SEPTIN9: variants seen among roughly 807,000 people sequenced by gnomAD.
The protein encoded by SEPTIN9 is septin-9.
SEPTIN9 carries 13 observed loss-of-function variants against 56.6 expected under a neutral mutation model. The observed-to-expected ratio is 0.23, with a 90% CI of 0.15 to 0.37. The LOEUF is 0.37. SEPTIN9 is among the 10% of genes least tolerant of loss of function. The probability of loss-of-function intolerance (pLI) is 1.00; values close to 1 mark genes in which losing one functional copy is unlikely to be tolerated. For missense variants in SEPTIN9, 650 were observed against 823.1 expected (o/e 0.79, Z 2.57); for synonymous variants, 332 against 334.1 (o/e 0.99, Z 0.07).
chr17:77,459,562 TG>T (rs1465568565), intron 3 of SEPTIN9, among the ~76,000 whole-genome samples: 1 of 152,082 alleles, frequency 6.6e-6, no homozygotes, highest in Non-Finnish European at 1.5e-5. Context: ...TAGCCGAGGC[TG>T]GGGGGTTATT....
intron 2 of SEPTIN9, among the ~76,000 whole-genome samples, chr17:77,364,101 C>G (rs751437577): frequency 6.6e-6 from 1 of 152,174 alleles, no homozygotes. Flanking sequence ...ATCTGGCTGC[C>G]GGCTGGCTTC....
chr17:77,450,438 C>T lies in SEPTIN9; in HGVS notation c.722-31706C>T. 1.0e-6 allele frequency: 1 copy of T among 971,176 alleles called. No homozygotes were observed. The highest frequency in any genetic ancestry group is 1.2e-6 in the Non-Finnish European group (1 of 816,920). 60.2% of individuals were successfully genotyped at this position (971,176 alleles called of 1,614,324 possible). A position where few individuals can be genotyped will look rare whatever the true frequency, so the allele number is the denominator to read the frequency against. On this transcript the variant is annotated intron_variant, in intron 3 of 11. Coordinates refer to ENST00000427177, the MANE Select transcript of SEPTIN9 (RefSeq NM_001113491.2). The surrounding 1 kb of genome is among the most constrained non-coding windows in gnomAD (Gnocchi z 6.0). ...AAGGCTTCTTTCCATTTGAGTGAAT[C>T]CCTCCCAGCCCCCAGCAAGCCCTCG...
intron 2 of SEPTIN9, among the ~76,000 whole-genome samples, chr17:77,337,821 G>A (rs929866898): frequency 6.6e-6 from 1 of 152,114 alleles, no homozygotes; most frequent in Admixed American, 6.5e-5. Flanking sequence ...CATACCTAGG[G>A]TTTGCTTCCA....
intron 4 of SEPTIN9, among the ~76,000 whole-genome samples, chr17:77,486,515 T>TGC (rs2039790409): frequency 9.7e-6 from 1 of 103,562 alleles, no homozygotes; most frequent in Admixed American, 8.7e-5. Context: ...TGTGTGTGTG[T>TGC]GTGTGTGCGC....
At chr17:77,373,534 A>G in intron 2 of SEPTIN9, 1 of 1,545,306 alleles carries the variant, frequency 6.5e-7, no homozygotes, top group Non-Finnish European at 8.7e-7. Flanking sequence ...GCTGGATGGG[A>G]TCATTTCGGA....
At chr17:77,376,012 C>A in intron 2 of SEPTIN9, 1 of 753,426 alleles carries the variant, frequency 1.3e-6, no homozygotes, top group Non-Finnish European at 1.6e-6. Flanking sequence ...TTCAGCCCAG[C>A]CAGGGGTGAT....
At chr17:77,372,896 G>A (rs2034766034) in intron 2 of SEPTIN9, among the ~76,000 whole-genome samples, 1 of 152,254 alleles carries the variant, frequency 6.6e-6, no homozygotes, top group South Asian at 2.1e-4. Flanking sequence ...CCTTGCAGGC[G>A]CAGAGCGCGC....
intron 2 of SEPTIN9, among the ~76,000 whole-genome samples, chr17:77,340,244 G>A (rs531054241): frequency 5.1e-4 from 77 of 152,006 alleles, no homozygotes; most frequent in African/African-American, 2.9e-4. Context: ...GGGCTCAAGC[G>A]GTTCTCCTGC....
At chr17:77,471,435 C>T (rs1312909555) in intron 3 of SEPTIN9, among the ~76,000 whole-genome samples, 5 of 152,272 alleles carry the variant, frequency 3.3e-5, no homozygotes, top group African/African-American at 1.2e-4. Context: ...AGGGGGCCAC[C>T]CTGTTGCACC....
chr17:77,488,822 G>A lies in SEPTIN9; in HGVS notation c.1220G>A (p.Arg407His), dbSNP rs1404115043. Residue 407 changes from arginine to histidine, a missense_variant, in exon 7 of 12, where the codon CGC becomes CAC. Arg to His is a conservative substitution (Grantham distance 29). Coordinates refer to ENST00000427177, the MANE Select transcript of SEPTIN9 (RefSeq NM_001113491.2). Reference sequence around the variant, plus strand: ...CGCAAGAAGCGCATCCCGGACACCCGCGTCCACTGCTGCCTCTACTTCATC... The same window carrying A: ...CGCAAGAAGCGCATCCCGGACACCCACGTCCACTGCTGCCTCTACTTCATC... Reference protein sequence around the residue: ...INRKKRIPDTRVHCCLYFIPA... With the variant: ...INRKKRIPDTHVHCCLYFIPA... The A allele has an allele frequency of 6.2e-7, 1 of 1,613,714 alleles. No individual in the cohort carries two copies. The highest frequency in any genetic ancestry group is 8.5e-7 in the Non-Finnish European group (1 of 1,179,858).
rs61734228 is a variant in SEPTIN9 at position 77,429,249 on chromosome 17, C to T, written c.721+26546C>T. On this transcript the variant is annotated intron_variant, in intron 3 of 11. Coordinates refer to ENST00000427177, the MANE Select transcript of SEPTIN9 (RefSeq NM_001113491.2). This position sits in a 1 kb window ranked among gnomAD's most constrained non-coding sequence, Gnocchi z 5.2. ...ATTGCAGGTGGAGAAGCTCGTTGAC[C>T]GTGACCTTGATCTGACCGTAATTTT... 3.0e-4 allele frequency: 141 copies of T among 471,168 alleles called. 2 individuals are homozygous for T. The highest frequency in any genetic ancestry group is 1.4e-3 in the South Asian group (92 of 64,564). The allele number at this position is 471,168 out of a possible 1,614,324, so 29.2% of individuals were successfully genotyped here.
intron 3 of SEPTIN9, among the ~76,000 whole-genome samples, chr17:77,479,252 T>A (rs1319692286): frequency 1.3e-5 from 2 of 151,666 alleles, no homozygotes; most frequent in African/African-American, 4.9e-5. Context: ...GACAATGGAG[T>A]GGGTGATCTT....
chr17:77,401,492 T>G (rs2035896189), intron 2 of SEPTIN9, among the ~76,000 whole-genome samples: 1 of 152,078 alleles, frequency 6.6e-6, no homozygotes, highest in African/African-American at 2.4e-5. Flanking sequence ...ACGCCTGTAA[T>G]CCCAGCACTT....
chr17:77,401,240 C>A (rs550351148), intron 2 of SEPTIN9, among the ~76,000 whole-genome samples: 2 of 152,156 alleles, frequency 1.3e-5, no homozygotes, highest in Non-Finnish European at 2.9e-5. Flanking sequence ...TCGGTAGGCC[C>A]GGCGCCTCGC....
intron 2 of SEPTIN9, among the ~76,000 whole-genome samples, chr17:77,398,210 A>G (rs1261933420): frequency 6.7e-6 from 1 of 149,158 alleles, no homozygotes; most frequent in Admixed American, 6.7e-5. Context: ...CCTGGGCTCA[A>G]GCGATCTGTC....
intron 1 of SEPTIN9, among the ~76,000 whole-genome samples, chr17:77,291,903 G>T (rs999526511): frequency 1.2e-4 from 19 of 152,236 alleles, no homozygotes; most frequent in Non-Finnish European, 2.6e-4. Flanking sequence ...AACCAGACAA[G>T]TGTTCTTACC....
In SEPTIN9 at chr17:77,429,203, G is replaced by A. The variant is rs1353812586; in HGVS notation, c.721+26500G>A. The A allele has an allele frequency of 2.1e-6, 1 of 471,840 alleles. No individual in the cohort carries two copies. 29.2% of individuals were successfully genotyped at this position (471,840 alleles called of 1,614,324 possible). A position where few individuals can be genotyped will look rare whatever the true frequency, so the allele number is the denominator to read the frequency against. On this transcript the variant is annotated intron_variant, in intron 3 of 11. Coordinates refer to ENST00000427177, the MANE Select transcript of SEPTIN9 (RefSeq NM_001113491.2). The surrounding 1 kb of genome is among the most constrained non-coding windows in gnomAD (Gnocchi z 5.2). ...AGGCTGAGGCCGAGGCTGAGGCTGA[G>A]GCCACCTTGGTGAGGAGGAAATTGC...
At position 77,484,576 on chromosome 17, in the gene SEPTIN9, G is replaced by A. The variant is rs1353109100; in HGVS notation, c.913+2241G>A. Among the ~76,000 whole-genome samples, 14 of 39,380 alleles carry A rather than the reference G, an allele frequency of 3.6e-4. 1 individual carries two copies. Among genetic ancestry groups the A allele is most frequent in the Middle Eastern group, 0.019 (1 of 52 alleles). The allele number at this position is 39,380 out of a possible 152,430, so 25.8% of individuals were successfully genotyped here. On this transcript the variant is annotated intron_variant, in intron 4 of 11. Coordinates refer to ENST00000427177, the MANE Select transcript of SEPTIN9 (RefSeq NM_001113491.2). ...TGATGATGGTGATTGTGGTGATGGT[G>A]GTTATGATGGTGGTAATTGTGATGG...
Position 77,436,472 on chromosome 17 carries a change from G to A in SEPTIN9, c.721+33769G>A, listed in dbSNP as rs953063064. 1.3e-5 allele frequency among the ~76,000 whole-genome samples: 2 copies of A among 152,204 alleles called. No homozygotes were observed. The highest frequency in any genetic ancestry group is 4.8e-5 in the African/African-American group (2 of 41,454). ...CTCACTTTCTCCCCGCAGATGGGAC[G>A]GGGGCGGGGCTGGAGCCAGCGGGGT... On this transcript the variant is annotated intron_variant, in intron 3 of 11. Transcript: ENST00000427177. This position sits in a 1 kb window ranked among gnomAD's most constrained non-coding sequence, Gnocchi z 4.4.
Sources: gnomAD v4.1 joint callset for allele counts (sites outside exome capture counted in the v4.1 genomes callset) on GRCh38, gnomAD v4.1.1 for gene constraint, Gnocchi (gnomAD v3.1) non-coding constraint, MANE v1.5 for transcripts, NCBI Gene and HGNC (gene_info 2026-07-23, HGNC 2026-07-21) for gene names.